Variants in C12orf50 observed in about 807,000 individuals in gnomAD.
The protein encoded by C12orf50 is zinc finger CCCH-type containing 11D.
C12orf50 carries 35 observed loss-of-function variants against 61.6 expected under a neutral mutation model. The observed-to-expected ratio is 0.57, with a 90% CI of 0.43 to 0.75. The LOEUF (loss-of-function observed/expected upper bound fraction) is 0.75. Among genes scored for constraint, C12orf50 ranks in the 30% least tolerant of loss-of-function variants. C12orf50 has a pLI of 0.00. For missense variants in C12orf50, 475 were observed against 488.5 expected (o/e 0.97, Z 0.26); for synonymous variants, 178 against 161.5 (o/e 1.10, Z -0.77).
chr12:87,988,900 T>C (rs2030978948), intron 8 of C12orf50, among the ~76,000 whole-genome samples: 1 of 152,076 alleles, frequency 6.6e-6, no homozygotes, highest in East Asian at 1.9e-4. Context: ...AATTATAAAA[T>C]ACAAAAGTCT....
In C12orf50 at chr12:88,026,534, G is replaced by A. The variant is rs2032713465; in HGVS notation, c.87C>T (p.His29=). Reference sequence around the variant, plus strand: ...ATCCATTGATATTTCGAGGTTTGCTGTGATAAAAGATACAGCTGATCTTCA... The same window carrying A: ...ATCCATTGATATTTCGAGGTTTGCTATGATAAAAGATACAGCTGATCTTCA... ...GCVKISCIFY[H]SKPRNINGLF... Residue 29 remains histidine (H), a synonymous_variant, in exon 3 of 13, where the codon CAC becomes CAT. Coordinates refer to ENST00000298699, the MANE Select transcript of C12orf50 (RefSeq NM_152589.3). The A allele has an allele frequency of 6.2e-7, 1 of 1,613,916 alleles. No individual in the cohort carries two copies. The highest frequency in any genetic ancestry group is 8.5e-7 in the Non-Finnish European group (1 of 1,179,976).
intron 3 of C12orf50, among the ~76,000 whole-genome samples, chr12:88,023,387 C>T (rs2032588664): frequency 1.3e-5 from 2 of 151,828 alleles, no homozygotes; most frequent in African/African-American, 4.8e-5. Flanking sequence ...AAATGTAGGC[C>T]AGGCACGGTG....
chr12:87,996,818 G>T (rs944244095), intron 4 of C12orf50, among the ~76,000 whole-genome samples, 172 bp from the exon 5 acceptor site: 1 of 152,084 alleles, frequency 6.6e-6, no homozygotes, highest in Non-Finnish European at 1.5e-5. Flanking sequence ...TACATTTTAA[G>T]TATTCAAAAC....
intron 3 of C12orf50, among the ~76,000 whole-genome samples, chr12:88,002,869 A>G (rs1156868920): frequency 2.0e-5 from 3 of 151,756 alleles, no homozygotes; most frequent in Admixed American, 6.6e-5. Flanking sequence ...ATGGCTTACT[A>G]TATGCTTCTT....
At chr12:87,998,012 A>T (rs2136433777) in intron 4 of C12orf50, 23 bp downstream of exon 4, 1 of 1,593,762 alleles carries the variant, frequency 6.3e-7, no homozygotes, top group African/African-American at 1.3e-5. Flanking sequence ...GTGTATTGTA[A>T]ACCTGAAAAA....
Position 87,980,277 on chromosome 12 carries a change from A to G in C12orf50, c.*54T>C, listed in dbSNP as rs922999436. 2.0e-6 allele frequency: 3 copies of G among 1,537,586 alleles called. No individual in the cohort carries two copies. The highest frequency in any genetic ancestry group is 2.7e-6 in the Non-Finnish European group (3 of 1,115,612). On this transcript the variant is annotated 3_prime_UTR_variant, in exon 13 of 13. Transcript: ENST00000298699. ...TTTGAATTTTCATTTTTGATTGTAA[A>G]TCAGATGATGTCTGGCAATTTTTTC...
At chr12:87,988,084 A>G (rs2030924710) in intron 8 of C12orf50, 118 bp from the exon 9 acceptor site, 1 of 459,112 alleles carries the variant, frequency 2.2e-6, no homozygotes, top group Non-Finnish European at 3.7e-6. Flanking sequence ...AATAATATAT[A>G]TATTTATGAA....
intron 4 of C12orf50, 94 bp downstream of exon 4, chr12:87,997,941 T>C (rs1189542331): frequency 2.0e-5 from 19 of 938,446 alleles, no homozygotes; most frequent in Non-Finnish European, 2.6e-5. Flanking sequence ...ATCTGCCTTA[T>C]ATATTACATC....
intron 3 of C12orf50, among the ~76,000 whole-genome samples, chr12:88,025,024 A>G (rs1434223761): frequency 2.6e-5 from 4 of 152,180 alleles, no homozygotes; most frequent in African/African-American, 9.7e-5. Flanking sequence ...ATAAATAACC[A>G]CTTTGAAGAG....
In C12orf50 at chr12:87,980,269, G is replaced by A; in HGVS notation, c.*62C>T. 3.4e-6 allele frequency: 5 copies of A among 1,489,912 alleles called. No individual in the cohort carries two copies. Among genetic ancestry groups the A allele is most frequent in the African/African-American group, 2.8e-5 (2 of 71,332 alleles). The allele number at this position is 1,489,912 out of a possible 1,614,324, so 92.3% of individuals were successfully genotyped here. On this transcript the variant is annotated 3_prime_UTR_variant, in exon 13 of 13. Coordinates refer to ENST00000298699, the MANE Select transcript of C12orf50 (RefSeq NM_152589.3). ...TCTCATTCTTTGAATTTTCATTTTT[G>A]ATTGTAAATCAGATGATGTCTGGCA...
chr12:88,011,627 C>G (rs2032113552), intron 3 of C12orf50, among the ~76,000 whole-genome samples: 1 of 152,250 alleles, frequency 6.6e-6, no homozygotes, highest in East Asian at 1.9e-4. Context: ...TTTACAGTGG[C>G]AAATATGTGG....
At chr12:88,009,866 C>T (rs1271823049) in intron 3 of C12orf50, among the ~76,000 whole-genome samples, 1 of 152,138 alleles carries the variant, frequency 6.6e-6, no homozygotes, top group East Asian at 1.9e-4. Flanking sequence ...AATTTCAGTG[C>T]AGCCAAATTT....
At chr12:88,027,108 G>A in intron 1 of C12orf50, 38 bp from the exon 2 acceptor site, 1 of 1,544,524 alleles carries the variant, frequency 6.5e-7, no homozygotes, top group Non-Finnish European at 8.7e-7. Context: ...AGCTCAATAT[G>A]TTGACATTAG....
chr12:88,023,296 G>A (rs2032585211), intron 3 of C12orf50, among the ~76,000 whole-genome samples: 1 of 152,022 alleles, frequency 6.6e-6, no homozygotes, highest in Admixed American at 6.6e-5. Context: ...GGAATAACTG[G>A]CTTGCCATAT....
chr12:87,981,282 G>T (rs1592639957), intron 12 of C12orf50, among the ~76,000 whole-genome samples: 2 of 152,100 alleles, frequency 1.3e-5, no homozygotes, highest in East Asian at 3.9e-4. Flanking sequence ...GAATGGTTGT[G>T]GTTGTGAGAG....
rs1416939787 is a variant in C12orf50, at chr12:87,996,409, T to C, written c.446A>G (p.Glu149Gly). 1.4e-5 allele frequency: 23 copies of C among 1,613,198 alleles called. No individual in the cohort carries two copies. In the East Asian group the frequency reaches 5.1e-4, roughly 36 times the overall value. The change falls in exon 6 of 13, where the codon GAA becomes GGA. Residue 149 changes from glutamate to glycine, a missense_variant. Glu to Gly is a moderately conservative substitution (Grantham distance 98, BLOSUM62 -2). Transcript: ENST00000298699. ...TTCACTGCCATTTTCCAAAGGCTTT[T>C]CTAACTGTTTTTCTGCTGTAGGTGT... ...SMTPTAEKQL[E>G]KPLENGSELQ...
chr12:87,987,297 A>G lies in C12orf50; in HGVS notation c.817+553T>C, dbSNP rs532150078. ...CTCCCAGTGCAAGGATTTGGAATCC[A>G]TATTTTTAACAAGTGCCACTGAACT... On this transcript the variant is annotated intron_variant, in intron 9 of 12. Transcript: ENST00000298699. Among the ~76,000 whole-genome samples the G allele has an allele frequency of 9.2e-5, 14 of 152,300 alleles. No individual in the cohort carries two copies. In the East Asian group the frequency reaches 2.3e-3, roughly 25 times the overall value.
intron 3 of C12orf50, among the ~76,000 whole-genome samples, chr12:88,020,548 A>G (rs1438643257): frequency 1.3e-5 from 2 of 152,224 alleles, no homozygotes; most frequent in Non-Finnish European, 2.9e-5. Context: ...GCAAGTTCTT[A>G]GAGACCTACA....
intron 3 of C12orf50, among the ~76,000 whole-genome samples, chr12:88,014,458 C>T (rs1422081543): frequency 4.6e-5 from 7 of 152,100 alleles, no homozygotes; most frequent in South Asian, 4.2e-4. Context: ...TCTGCCACTA[C>T]GTCCGGCTAA....
Sources: allele counts gnomAD v4.1 joint callset (sites outside exome capture counted in the v4.1 genomes callset), GRCh38; gene constraint gnomAD v4.1.1; transcripts MANE v1.5; gene names NCBI Gene and HGNC (gene_info 2026-07-23, HGNC 2026-07-21).